STK32A: variants seen among roughly 807,000 people sequenced by gnomAD.
The protein encoded by STK32A is serine/threonine-protein kinase 32A.
In STK32A, 41 loss-of-function variants were observed where a neutral mutation model predicts 53.2. The observed-to-expected ratio is 0.77, with a 90% CI of 0.60 to 1.00. The LOEUF (loss-of-function observed/expected upper bound fraction) is 1.00. STK32A is among the 50% of genes least tolerant of loss of function. The pLI, the probability that STK32A is intolerant of heterozygous loss-of-function variation, is 0.00. For synonymous variants in STK32A, 166 were observed against 162.8 expected (o/e 1.02, Z -0.15); for missense variants, 458 against 485.8 (o/e 0.94, Z 0.54).
chr5:147,358,379 T>A (rs1317908901), intron 7 of STK32A, among the ~76,000 whole-genome samples: 2 of 152,134 alleles, frequency 1.3e-5, no homozygotes, highest in African/African-American at 2.4e-5. Flanking sequence ...TTTGGAGTTC[T>A]GTGGTACACA....
At chr5:147,354,045 G>A (rs1756110990) in intron 7 of STK32A, among the ~76,000 whole-genome samples, 1 of 151,250 alleles carries the variant, frequency 6.6e-6, no homozygotes, top group East Asian at 1.9e-4. Flanking sequence ...CCCCCTACAT[G>A]CAGAGCCACC....
At chr5:147,355,792 G>GTGTGTGTGTATATATATATATATA (rs984298293) in intron 7 of STK32A, among the ~76,000 whole-genome samples, 2 of 147,762 alleles carry the variant, frequency 1.4e-5, no homozygotes, top group African/African-American at 5.0e-5. Flanking sequence ...GTGTGTGTGT[G>GTGTGTGTGTATATATATATATATA]TATATATATA....
intron 5 of STK32A, 64 bp from the exon 6 acceptor site, chr5:147,342,942 C>A: frequency 6.5e-7 from 1 of 1,531,208 alleles, no homozygotes; most frequent in Non-Finnish European, 9.0e-7. Flanking sequence ...GCCTTTTTGC[C>A]CCTACCCCTT....
At chr5:147,285,007 C>G (rs374916376) in intron 4 of STK32A, among the ~76,000 whole-genome samples, 10 of 152,116 alleles carry the variant, frequency 6.6e-5, no homozygotes, top group African/African-American at 2.4e-4. Flanking sequence ...CAAGACTAAG[C>G]AAAAAGATCA....
At chr5:147,401,460 A>T in the STK32A span, 13 of 1,459,232 alleles carry the variant, frequency 8.9e-6, no homozygotes, top group East Asian at 4.9e-5. Flanking sequence ...TATAGATGGG[A>T]CTGCTCCTGT....
At chr5:147,338,550 G>A (rs1755251163) in intron 5 of STK32A, among the ~76,000 whole-genome samples, 2 of 152,210 alleles carry the variant, frequency 1.3e-5, no homozygotes, top group Admixed American at 1.3e-4. Context: ...GCAGGGGTTG[G>A]AACAGTTTGG....
chr5:147,310,684 G>A (rs548710469), intron 4 of STK32A, among the ~76,000 whole-genome samples: 35 of 152,072 alleles, frequency 2.3e-4, no homozygotes, highest in Non-Finnish European at 3.8e-4. Flanking sequence ...TTTCTTTCCT[G>A]GATGCTTGAT....
At chr5:147,260,715 G>A (rs899981598) in intron 2 of STK32A, among the ~76,000 whole-genome samples, 15 of 152,010 alleles carry the variant, frequency 9.9e-5, no homozygotes, top group South Asian at 2.1e-4. Flanking sequence ...CTCTCTGGCC[G>A]CTCCCCTAAG....
intron 2 of STK32A, among the ~76,000 whole-genome samples, chr5:147,255,738 C>T (rs1282143655): frequency 1.3e-5 from 2 of 152,188 alleles, no homozygotes; most frequent in Admixed American, 6.5e-5. Context: ...AATTGCTCAG[C>T]TATTCCATTA....
At chr5:147,237,330 G>A (rs966528363) in intron 1 of STK32A, among the ~76,000 whole-genome samples, 8 of 151,874 alleles carry the variant, frequency 5.3e-5, no homozygotes, top group African/African-American at 1.7e-4. Context: ...AAAAATTAAT[G>A]TTCTCTTTAG....
At chr5:147,336,233 A>G (rs1324229978) in intron 5 of STK32A, among the ~76,000 whole-genome samples, 2 of 152,320 alleles carry the variant, frequency 1.3e-5, no homozygotes, top group Middle Eastern at 6.8e-3. Context: ...TAATCAGCAT[A>G]CACTGGTCTG....
Position 147,377,229 on chromosome 5 carries a change from AT to A in STK32A, c.1032+2016del, listed in dbSNP as rs575835919. 8.6e-5 allele frequency among the ~76,000 whole-genome samples: 13 copies of A among 151,858 alleles called. No individual in the cohort carries two copies. In the East Asian group the frequency reaches 2.5e-3, roughly 30 times the overall value. ...TAAGAGTTTGTTGTTTAATTTCCAC[AT>A]TTTTGTGAATTTTCCAGTTTTCCTT... On this transcript the variant is annotated intron_variant, in intron 11 of 12. Coordinates refer to ENST00000397936, the MANE Select transcript of STK32A (RefSeq NM_001112724.2).
At chr5:147,307,761 A>G (rs1250928479) in intron 4 of STK32A, among the ~76,000 whole-genome samples, 1 of 151,890 alleles carries the variant, frequency 6.6e-6, no homozygotes, top group Non-Finnish European at 1.5e-5. Context: ...TTGTCTTCAT[A>G]TAAATAAGTA....
At chr5:147,257,242 C>T (rs979474757) in intron 2 of STK32A, among the ~76,000 whole-genome samples, 5 of 145,642 alleles carry the variant, frequency 3.4e-5, no homozygotes, top group African/African-American at 1.0e-4. Flanking sequence ...AAAAGCTCTA[C>T]GTCGGGGGCG....
At chr5:147,376,592 C>T (rs1010582868) in intron 11 of STK32A, among the ~76,000 whole-genome samples, 1 of 152,166 alleles carries the variant, frequency 6.6e-6, no homozygotes, top group Non-Finnish European at 1.5e-5. Context: ...ATCTGCCCAT[C>T]TTTCCTGCCA....
At chr5:147,306,297 C>T (rs1225037234) in intron 4 of STK32A, among the ~76,000 whole-genome samples, 2 of 151,886 alleles carry the variant, frequency 1.3e-5, no homozygotes, top group Non-Finnish European at 2.9e-5. Context: ...CTATCGGTTG[C>T]CTCTTTTTCT....
intron 4 of STK32A, among the ~76,000 whole-genome samples, chr5:147,282,600 A>T (rs72831335): frequency 6.6e-6 from 1 of 152,036 alleles, no homozygotes; most frequent in African/African-American, 2.4e-5. Flanking sequence ...TGGGGAAAGG[A>T]ATTTCATGCA....
At chr5:147,265,150 A>G (rs1435341404) in intron 2 of STK32A, among the ~76,000 whole-genome samples, 1 of 148,564 alleles carries the variant, frequency 6.7e-6, no homozygotes, top group Admixed American at 6.8e-5. Flanking sequence ...TTTTATATAT[A>G]TTTATATATA....
intron 5 of STK32A, among the ~76,000 whole-genome samples, chr5:147,336,520 C>T (rs965586938): frequency 6.6e-6 from 1 of 152,146 alleles, no homozygotes; most frequent in Non-Finnish European, 1.5e-5. Context: ...TATATACTTA[C>T]ATGGAATACT....
Sources: allele counts gnomAD v4.1 joint callset (sites outside exome capture counted in the v4.1 genomes callset), GRCh38; gene constraint gnomAD v4.1.1; transcripts MANE v1.5; gene names NCBI Gene and HGNC (gene_info 2026-07-23, HGNC 2026-07-21).